The following SNX24 variants were observed in gnomAD, a reference collection of about 807,000 sequenced individuals.
The protein encoded by SNX24 is sorting nexin 24.
SNX24 carries 22 observed loss-of-function variants against 28.7 expected under a neutral mutation model. The observed-to-expected ratio is 0.77, with a 90% CI of 0.55 to 1.10. SNX24 has a LOEUF of 1.10. Among genes scored for constraint, SNX24 ranks in the 50% least tolerant of loss-of-function variants. The probability of loss-of-function intolerance (pLI) is 0.00; values close to 1 mark genes in which losing one functional copy is unlikely to be tolerated. For synonymous variants in SNX24, 69 were observed against 71.5 expected (o/e 0.96, Z 0.18); for missense variants, 221 against 201.1 (o/e 1.10, Z -0.60).
At chr5:122,918,196 G>A (rs559143203) in intron 1 of SNX24, among the ~76,000 whole-genome samples, 3 of 152,320 alleles carry the variant, frequency 2.0e-5, no homozygotes, top group East Asian at 3.9e-4. Flanking sequence ...ATCACCTGAG[G>A]TCAGGAGTCA....
At chr5:122,871,380 G>A (rs865811828) in intron 1 of SNX24, among the ~76,000 whole-genome samples, 3 of 152,198 alleles carry the variant, frequency 2.0e-5, no homozygotes, top group Non-Finnish European at 1.5e-5. Context: ...TAAAGGAGAA[G>A]CATCAGCTTT....
chr5:123,019,640 A>G (rs2150186660), intron 5 of SNX24, among the ~76,000 whole-genome samples: 1 of 152,378 alleles, frequency 6.6e-6, no homozygotes, highest in East Asian at 1.9e-4. Flanking sequence ...GGCTAAGAAT[A>G]CCAAAATATT....
chr5:123,021,371 G>A (rs973876915), intron 5 of SNX24, among the ~76,000 whole-genome samples: 14 of 152,290 alleles, frequency 9.2e-5, no homozygotes, highest in African/African-American at 3.4e-4. Context: ...GTACCCATCT[G>A]TAGGGTCAGC....
intron 1 of SNX24, among the ~76,000 whole-genome samples, chr5:122,908,844 C>T (rs1486276554): frequency 4.6e-5 from 7 of 152,094 alleles, no homozygotes; most frequent in East Asian, 1.9e-4. Flanking sequence ...AGAGGTGGAA[C>T]GGAATGTCCT....
intron 3 of SNX24, among the ~76,000 whole-genome samples, chr5:122,954,276 T>G (rs978285543): frequency 4.6e-5 from 7 of 151,988 alleles, no homozygotes; most frequent in African/African-American, 1.7e-4. Context: ...GTTTATATTT[T>G]TAATTTTTGT....
chr5:122,946,203 A>G lies in SNX24; in HGVS notation c.249+44A>G, dbSNP rs184712384. 1,433 of 1,131,108 alleles carry G rather than the reference A, an allele frequency of 1.3e-3. 13 individuals are homozygous for G. Among genetic ancestry groups the G allele is most frequent in the Non-Finnish European group, 1.0e-3 (792 of 759,344 alleles). The allele number at this position is 1,131,108 out of a possible 1,614,324, so 70.1% of individuals were successfully genotyped here. A position where few individuals can be genotyped will look rare whatever the true frequency, so the allele number is the denominator to read the frequency against. On this transcript the variant is annotated intron_variant, in intron 3 of 6. Transcript: ENST00000261369. The stretch of plus-strand genomic sequence containing the variant: ...CTCATTTTATATAACATAAATAATC[A>G]TATGTCTTACCACTTTTTCTCAGGA...
intron 6 of SNX24, among the ~76,000 whole-genome samples, chr5:123,007,477 G>A (rs370741829): frequency 2.6e-5 from 4 of 152,108 alleles, no homozygotes; most frequent in African/African-American, 4.8e-5. Context: ...CATTCCTGCC[G>A]CGCCTGGTGG....
chr5:122,853,315 G>A (rs1464327605), intron 1 of SNX24, among the ~76,000 whole-genome samples: 3 of 151,916 alleles, frequency 2.0e-5, no homozygotes, highest in Non-Finnish European at 2.9e-5. Flanking sequence ...TTTTAGTAGA[G>A]ACGGGGTTTC....
At chr5:122,896,538 A>G (rs1026077312) in intron 1 of SNX24, among the ~76,000 whole-genome samples, 4 of 152,084 alleles carry the variant, frequency 2.6e-5, no homozygotes, top group Admixed American at 1.3e-4. Flanking sequence ...CAAGCCACAG[A>G]CCCTTTTATT....
At chr5:122,925,406 C>G (rs1169832402) in intron 1 of SNX24, among the ~76,000 whole-genome samples, 1 of 150,716 alleles carries the variant, frequency 6.6e-6, no homozygotes, top group African/African-American at 2.4e-5. Flanking sequence ...ATCTCAGGCA[C>G]GTGCCACCAT....
chr5:122,920,871 A>G (rs1233641412), intron 1 of SNX24, among the ~76,000 whole-genome samples: 3 of 152,214 alleles, frequency 2.0e-5, no homozygotes, highest in African/African-American at 4.8e-5. Context: ...AAAATTGTGC[A>G]TAATCCCTCT....
At chr5:123,026,408 C>A (rs917601129) in intron 5 of SNX24, among the ~76,000 whole-genome samples, 3 of 152,194 alleles carry the variant, frequency 2.0e-5, no homozygotes, top group African/African-American at 4.8e-5. Context: ...GGGTGTTACT[C>A]AGCACCCAAC....
At chr5:122,854,832 AT>A (rs952958816) in intron 1 of SNX24, among the ~76,000 whole-genome samples, 1 of 152,172 alleles carries the variant, frequency 6.6e-6, no homozygotes, top group African/African-American at 2.4e-5. Context: ...AGTCACACTA[AT>A]TTTTTGGTTT....
intron 1 of SNX24, among the ~76,000 whole-genome samples, chr5:122,878,930 C>A (rs1392345841): frequency 6.7e-6 from 1 of 149,436 alleles, no homozygotes; most frequent in Non-Finnish European, 1.5e-5. Context: ...GAACTGTGAT[C>A]CAGACAGAGC....
Position 122,936,793 on chromosome 5 carries a change from C to T in SNX24, c.120C>T (p.Ser40=), listed in dbSNP as rs766605136. The change falls in exon 2 of 7, where the codon AGC becomes AGT. Residue 40 remains serine, a synonymous_variant. Coordinates refer to ENST00000261369, the MANE Select transcript of SNX24 (RefSeq NM_014035.4). ...GRKHFVEKRY[S]EFHALHKKLK... ...AACATTTTGTTGAAAAGAGATACAG[C>T]GAATTTCATGCTTTGCACAAAAAGG... 134 of 1,606,088 alleles carry T rather than the reference C, an allele frequency of 8.3e-5. No homozygotes were observed. Among genetic ancestry groups the T allele is most frequent in the Admixed American group, 2.3e-4 (14 of 59,730 alleles).
intron 3 of SNX24, among the ~76,000 whole-genome samples, chr5:122,995,527 G>A (rs445841): frequency 2.6e-5 from 4 of 151,856 alleles, no homozygotes; most frequent in South Asian, 4.2e-4. Context: ...ACTGTTCAGC[G>A]CATTTGACAC....
intron 3 of SNX24, among the ~76,000 whole-genome samples, chr5:122,962,483 G>A (rs566470366): frequency 1.8e-4 from 27 of 152,174 alleles, no homozygotes; most frequent in East Asian, 5.8e-4. Context: ...CCATCTATAC[G>A]TATTATTTCT....
intron 3 of SNX24, chr5:122,983,129 A>G (rs1761458588): frequency 6.6e-6 from 1 of 151,718 alleles, no homozygotes; most frequent in African/African-American, 2.4e-5. Flanking sequence ...AGTTAAGTGA[A>G]TAATTATATA....
chr5:123,021,517 T>C (rs569695990), intron 5 of SNX24, among the ~76,000 whole-genome samples: 13 of 152,188 alleles, frequency 8.5e-5, no homozygotes, highest in South Asian at 2.1e-4. Context: ...CCTTACAATT[T>C]TGGATCACTT....
Sources: gnomAD v4.1 joint callset for allele counts (sites outside exome capture counted in the v4.1 genomes callset) on GRCh38, gnomAD v4.1.1 for gene constraint, MANE v1.5 for transcripts, NCBI Gene and HGNC (gene_info 2026-07-23, HGNC 2026-07-21) for gene names.